Variants in RAVER2 observed in about 807,000 individuals in gnomAD.
The protein encoded by RAVER2 is ribonucleoprotein, PTB binding 2, also known as ribonucleoprotein PTB-binding 2.
Under a neutral mutation model 78.1 loss-of-function variants are expected in RAVER2, and 46 were observed. The ratio of observed to expected loss-of-function variants is 0.59; its 90% confidence interval spans 0.46 to 0.75. The LOEUF is 0.75. Among genes scored for constraint, RAVER2 ranks in the 30% least tolerant of loss-of-function variants. The pLI is 0.00. For synonymous variants in RAVER2, 311 were observed against 313.3 expected, an observed-to-expected ratio of 0.99 and a Z score of 0.08; for missense variants, 793 against 837.5, an observed-to-expected ratio of 0.95 and a Z score of 0.66.
At chr1:64,763,251 C>A (rs1002533836) in intron 1 of RAVER2, among the ~76,000 whole-genome samples, 3 of 152,008 alleles carry the variant, frequency 2.0e-5, no homozygotes, top group African/African-American at 7.3e-5. Flanking sequence ...GAGCCGAGAT[C>A]ATGCCACTGC....
intron 11 of RAVER2, among the ~76,000 whole-genome samples, chr1:64,817,288 A>G (rs540002979): frequency 1.3e-5 from 2 of 152,298 alleles, no homozygotes; most frequent in South Asian, 4.1e-4. Context: ...AAATAGGAAC[A>G]CTTTTACAGT....
chr1:64,767,043 A>T (rs1652192789), intron 1 of RAVER2, among the ~76,000 whole-genome samples: 1 of 152,166 alleles, frequency 6.6e-6, no homozygotes. Context: ...ATTTTAAAAA[A>T]TTTCTAATAC....
At chr1:64,755,307 A>T (rs1926313) in intron 1 of RAVER2, among the ~76,000 whole-genome samples, 73,118 of 151,868 alleles carry the variant, frequency 0.48, 20,327 homozygotes, top group African/African-American at 0.78. Flanking sequence ...AGGTATTTGG[A>T]GCTTAATTTT....
At chr1:64,781,671 A>C (rs1258404402) in intron 4 of RAVER2, 100 bp downstream of exon 4, 2 of 1,133,206 alleles carry the variant, frequency 1.8e-6, no homozygotes, top group Non-Finnish European at 2.4e-6. Flanking sequence ...TGTCGATTGC[A>C]CCATCATTGC....
At chr1:64,747,315 A>G (rs1305031320) in intron 1 of RAVER2, among the ~76,000 whole-genome samples, 1 of 152,162 alleles carries the variant, frequency 6.6e-6, no homozygotes, top group African/African-American at 2.4e-5. Flanking sequence ...CTTACTGATG[A>G]AAGTTTCACT....
chr1:64,775,892 C>T lies in RAVER2; in HGVS notation c.317-1731C>T, dbSNP rs532885804. On this transcript the variant is annotated intron_variant, in intron 2 of 11. Transcript: ENST00000294428. ...AAATTAGCCAGGCGTGGTGGCAGGC[C>T]CTGTAGTCCCAGCTACTTGAGAGGC... is the stretch of plus-strand genomic sequence containing the variant. 4.0e-5 allele frequency among the ~76,000 whole-genome samples: 6 copies of T among 151,618 alleles called. No individual in the cohort carries two copies. In the South Asian group the frequency reaches 1.3e-3, roughly 32 times the overall value.
At chr1:64,751,601 G>A (rs955928954) in intron 1 of RAVER2, among the ~76,000 whole-genome samples, 1 of 151,748 alleles carries the variant, frequency 6.6e-6, no homozygotes, top group Non-Finnish European at 1.5e-5. Flanking sequence ...TTTTAGATAC[G>A]GGATGTTGCT....
At chr1:64,824,676 T>A (rs1161758123) in intron 11 of RAVER2, among the ~76,000 whole-genome samples, 1 of 152,130 alleles carries the variant, frequency 6.6e-6, no homozygotes, top group Non-Finnish European at 1.5e-5. Context: ...ATGCTTATAA[T>A]CCTAGCACTT....
At chr1:64,824,518 T>G (rs575662059) in intron 11 of RAVER2, among the ~76,000 whole-genome samples, 8 of 152,332 alleles carry the variant, frequency 5.3e-5, no homozygotes, top group African/African-American at 1.4e-4. Flanking sequence ...ATAAGCCTAC[T>G]TTAAACAACA....
In RAVER2 at chr1:64,794,376, T is replaced by C. The variant is rs190926512; in HGVS notation, c.1105+4862T>C. Among the ~76,000 whole-genome samples, 6 of 137,434 alleles carry C rather than the reference T, an allele frequency of 4.4e-5. No individual in the cohort carries two copies. The Admixed American group carries it at 4.8e-4, about 11-fold the overall frequency. 90.2% of individuals were successfully genotyped at this position (137,434 alleles called of 152,430 possible). On this transcript the variant is annotated intron_variant, in intron 5 of 11. Transcript: ENST00000294428. ...TCGTGCCACTGCACTCCAGCCTGGG[T>C]GACAAATGGGGACTCCGTCTCAAAA... is the stretch of plus-strand genomic sequence containing the variant.
intron 5 of RAVER2, among the ~76,000 whole-genome samples, chr1:64,790,264 A>G (rs1364639250): frequency 6.6e-6 from 1 of 152,236 alleles, no homozygotes; most frequent in East Asian, 1.9e-4. Context: ...ACTGCATGCT[A>G]TCCTGAGTAG....
At chr1:64,779,613 G>A (rs1236940232) in intron 3 of RAVER2, among the ~76,000 whole-genome samples, 1 of 151,408 alleles carries the variant, frequency 6.6e-6, no homozygotes, top group Non-Finnish European at 1.5e-5. Context: ...CTGGGCTCAA[G>A]TGATCCTCCT....
chr1:64,816,201 G>T (rs1653752831), intron 11 of RAVER2: 1 of 152,022 alleles, frequency 6.6e-6, no homozygotes, highest in Non-Finnish European at 1.5e-5. Flanking sequence ...AGATTACTGT[G>T]ATTTATTGTA....
In RAVER2 at chr1:64,816,133, A is replaced by T. The variant is rs571067356; in HGVS notation, c.1929+1293A>T. ...TTAAATACATATTTAAGCTTTAAAA[A>T]TTTTTTGAACTTTTATTTCTTTTTA... On this transcript the variant is annotated intron_variant, in intron 11 of 11. Transcript: ENST00000294428. 8.5e-5 allele frequency: 13 copies of T among 152,286 alleles called. No individual in the cohort carries two copies. The South Asian group carries it at 1.9e-3, about 22-fold the overall frequency. 9.4% of individuals were successfully genotyped at this position (152,286 alleles called of 1,614,324 possible). A position where few individuals can be genotyped will look rare whatever the true frequency, so the allele number is the denominator to read the frequency against.
At chr1:64,779,947 C>G (rs922664863) in intron 3 of RAVER2, among the ~76,000 whole-genome samples, 3 of 151,778 alleles carry the variant, frequency 2.0e-5, no homozygotes, top group African/African-American at 7.3e-5. Context: ...TTTTGAATGG[C>G]TCTCATATTG....
At chr1:64,815,609 C>G (rs1019996078) in intron 11 of RAVER2, 2 of 152,198 alleles carry the variant, frequency 1.3e-5, no homozygotes, top group East Asian at 1.9e-4. Flanking sequence ...CCAGCTTCTT[C>G]TCAGATCTAT....
chr1:64,832,172 CTAT>C (rs5774723), exon 12 of RAVER2: 84,917 of 152,098 alleles, frequency 0.56, 26,459 homozygotes, highest in African/African-American at 0.85. Context: ...ACTAAATGCC[CTAT>C]TATTTCCACA....
At chr1:64,757,428 T>A (rs1367761929) in intron 1 of RAVER2, among the ~76,000 whole-genome samples, 1 of 152,166 alleles carries the variant, frequency 6.6e-6, no homozygotes, top group Non-Finnish European at 1.5e-5. Context: ...TAAGAAGAGA[T>A]AGCAGAGAAC....
intron 9 of RAVER2, among the ~76,000 whole-genome samples, chr1:64,809,258 C>G (rs1288090906): frequency 1.3e-5 from 2 of 152,088 alleles, no homozygotes; most frequent in Admixed American, 1.3e-4. Context: ...AGCAATTAAG[C>G]AGAGCCCAGG....
Sources: allele counts gnomAD v4.1 joint callset (sites outside exome capture counted in the v4.1 genomes callset), GRCh38; gene constraint gnomAD v4.1.1; transcripts MANE v1.5; gene names NCBI Gene and HGNC (gene_info 2026-07-23, HGNC 2026-07-21).